ADAMTS6: variants seen among roughly 807,000 people sequenced by gnomAD.
ADAMTS6 encodes A disintegrin and metalloproteinase with thrombospondin motifs 6.
ADAMTS6 carries 23 observed loss-of-function variants against 144.3 expected under a neutral mutation model. That is an observed-to-expected ratio of 0.16 (90% CI 0.11 to 0.23). ADAMTS6 has a LOEUF of 0.23. Ranked by LOEUF, ADAMTS6 falls within the 10% of genes least tolerant of loss-of-function variation. The pLI, the probability that ADAMTS6 is intolerant of heterozygous loss-of-function variation, is 1.00. For missense variants in ADAMTS6, 999 were observed against 1,379.6 expected (o/e 0.72, Z 4.37); for synonymous variants, 444 against 457.5 (o/e 0.97, Z 0.38).
intron 12 of ADAMTS6, among the ~76,000 whole-genome samples, chr5:65,272,347 ATTG>A (rs963348009): frequency 9.2e-5 from 14 of 152,218 alleles, no homozygotes; most frequent in Non-Finnish European, 1.9e-4. Context: ...TGTTTCAACA[ATTG>A]TTGTTGTTTT....
At chr5:65,439,775 G>C (rs1181781786) in intron 7 of ADAMTS6, among the ~76,000 whole-genome samples, 1 of 152,124 alleles carries the variant, frequency 6.6e-6, no homozygotes, top group Non-Finnish European at 1.5e-5. Flanking sequence ...TTTGACAACT[G>C]TACTGGGGTT....
chr5:65,352,318 A>G (rs1056580366), intron 7 of ADAMTS6, among the ~76,000 whole-genome samples: 1 of 152,168 alleles, frequency 6.6e-6, no homozygotes, highest in African/African-American at 2.4e-5. Context: ...TAGAGAAGTA[A>G]ATAAAAAGAA....
chr5:65,184,880 C>A lies in ADAMTS6; in HGVS notation c.2910+3136G>T, dbSNP rs79609046. Among the ~76,000 whole-genome samples, 672 of 152,064 alleles carry A rather than the reference C, an allele frequency of 4.4e-3. 6 individuals carry two copies. Among genetic ancestry groups the A allele is most frequent in the Non-Finnish European group, 5.5e-3 (373 of 68,002 alleles). On this transcript the variant is annotated intron_variant, in intron 22 of 24. Coordinates refer to ENST00000381055, the MANE Select transcript of ADAMTS6 (RefSeq NM_197941.4). Reference sequence around the variant, plus strand: ...GCTTTACAACAATGGAAATTTTACACTACAGTAGCCGGCAGAGAAAAGGAA... The same window carrying A: ...GCTTTACAACAATGGAAATTTTACAATACAGTAGCCGGCAGAGAAAAGGAA...
intron 8 of ADAMTS6, among the ~76,000 whole-genome samples, chr5:65,330,700 A>C (rs2150059107): frequency 1.3e-5 from 2 of 152,174 alleles, no homozygotes; most frequent in Middle Eastern, 6.8e-3. Flanking sequence ...TGGAACAGAG[A>C]TGAGATTAAT....
intron 7 of ADAMTS6, among the ~76,000 whole-genome samples, chr5:65,349,209 C>T (rs907243141): frequency 5.9e-5 from 9 of 152,052 alleles, no homozygotes; most frequent in Non-Finnish European, 4.4e-5. Context: ...TCTTTTAAGT[C>T]TAGCTTCAAG....
At chr5:65,190,022 C>T (rs986735314) in intron 21 of ADAMTS6, among the ~76,000 whole-genome samples, 37 of 152,212 alleles carry the variant, frequency 2.4e-4, no homozygotes, top group African/African-American at 7.2e-4. Flanking sequence ...GTTTTGTATA[C>T]GGAAGATAAT....
chr5:65,389,485 TA>T (rs1232857994), intron 7 of ADAMTS6, among the ~76,000 whole-genome samples: 1 of 152,162 alleles, frequency 6.6e-6, no homozygotes, highest in Admixed American at 6.5e-5. Context: ...GCTATAAGCA[TA>T]AAAACATTTT....
At chr5:65,407,732 C>A (rs1754672519) in intron 7 of ADAMTS6, among the ~76,000 whole-genome samples, 1 of 152,024 alleles carries the variant, frequency 6.6e-6, no homozygotes, top group African/African-American at 2.4e-5. Context: ...TCAATCCAGT[C>A]TATCATCATT....
intron 15 of ADAMTS6, among the ~76,000 whole-genome samples, chr5:65,234,602 T>G (rs982911389): frequency 6.6e-6 from 1 of 151,752 alleles, no homozygotes; most frequent in Non-Finnish European, 1.5e-5. Context: ...AGTCACAAGA[T>G]CACAAGTGTA....
At chr5:65,411,603 C>T (rs550676997) in intron 7 of ADAMTS6, among the ~76,000 whole-genome samples, 11 of 152,134 alleles carry the variant, frequency 7.2e-5, no homozygotes, top group South Asian at 4.2e-4. Flanking sequence ...GTATGAGTGA[C>T]GTGGGAGTTT....
At position 65,407,396 on chromosome 5, in the gene ADAMTS6, G is replaced by A. The variant is rs72501357; in HGVS notation, c.1073+44079C>T. 1.1e-4 allele frequency among the ~76,000 whole-genome samples: 16 copies of A among 150,920 alleles called. No homozygotes were observed. The East Asian group carries it at 2.5e-3, about 24-fold the overall frequency. On this transcript the variant is annotated intron_variant, in intron 7 of 24. Transcript: ENST00000381055. ...GTACATGTGCACAACGTGCAGGTTC[G>A]TTACATATGTATACATGTGCCATGT...
chr5:65,321,375 A>G (rs1745598051), intron 9 of ADAMTS6, among the ~76,000 whole-genome samples: 1 of 151,500 alleles, frequency 6.6e-6, no homozygotes, highest in Non-Finnish European at 1.5e-5. Flanking sequence ...CCTTTGCCCA[A>G]TTTTTAATGG....
intron 18 of ADAMTS6, among the ~76,000 whole-genome samples, chr5:65,222,698 A>G (rs1757417857): frequency 6.6e-6 from 1 of 152,026 alleles, no homozygotes; most frequent in Admixed American, 6.5e-5. Flanking sequence ...TTGCATTTGT[A>G]TTTTACATTT....
chr5:65,418,545 A>T (rs1018320379), intron 7 of ADAMTS6, among the ~76,000 whole-genome samples: 2 of 152,344 alleles, frequency 1.3e-5, no homozygotes, highest in Non-Finnish European at 2.9e-5. Flanking sequence ...ATGTACATTT[A>T]TTGAGCTTAA....
At chr5:65,191,982 T>C (rs1045639183) in intron 21 of ADAMTS6, among the ~76,000 whole-genome samples, 3 of 152,164 alleles carry the variant, frequency 2.0e-5, no homozygotes, top group South Asian at 2.1e-4. Flanking sequence ...GTCTGTGAAA[T>C]GATGGGAGTG....
chr5:65,230,783 TATATATAACAC>T (rs1758161084), intron 15 of ADAMTS6, among the ~76,000 whole-genome samples: 1 of 89,730 alleles, frequency 1.1e-5, no homozygotes, highest in Non-Finnish European at 2.2e-5. Flanking sequence ...GTATGAAATA[TATATATAACAC>T]ATATGTATGA....
At chr5:65,277,563 G>GTT (rs1171904372) in intron 11 of ADAMTS6, among the ~76,000 whole-genome samples, 9 of 145,268 alleles carry the variant, frequency 6.2e-5, no homozygotes, top group African/African-American at 1.0e-4. Context: ...AGACTGGACA[G>GTT]TTTTTTTTTT....
chr5:65,197,272 C>T (rs1229018268), intron 20 of ADAMTS6, 121 bp from the exon 21 acceptor site: 1 of 875,178 alleles, frequency 1.1e-6, no homozygotes, highest in African/African-American at 1.7e-5. Flanking sequence ...ATCTGTTCCA[C>T]ATTGGACTGC....
chr5:65,298,608 A>G (rs1743082525), intron 10 of ADAMTS6, among the ~76,000 whole-genome samples: 1 of 152,176 alleles, frequency 6.6e-6, no homozygotes, highest in Admixed American at 6.5e-5. Context: ...GTCTACCTTT[A>G]TAGCACTTCA....
Sources: gnomAD v4.1 joint callset for allele counts (sites outside exome capture counted in the v4.1 genomes callset) on GRCh38, gnomAD v4.1.1 for gene constraint, MANE v1.5 for transcripts, NCBI Gene and HGNC (gene_info 2026-07-23, HGNC 2026-07-21) for gene names.